NOS1AP: variants seen among roughly 807,000 people sequenced by gnomAD.
NOS1AP encodes the protein carboxyl-terminal PDZ ligand of neuronal nitric oxide synthase protein.
NOS1AP carries 21 observed loss-of-function variants against 56.2 expected under a neutral mutation model. The observed-to-expected ratio is 0.37, with a 90% CI of 0.26 to 0.54. The LOEUF (loss-of-function observed/expected upper bound fraction) is 0.54, where lower values mean the gene tolerates loss of function less well. NOS1AP is among the 20% of genes least tolerant of loss of function. The probability of loss-of-function intolerance (pLI) is 0.84; values close to 1 mark genes in which losing one functional copy is unlikely to be tolerated. For synonymous variants in NOS1AP, 270 were observed against 274.6 expected (o/e 0.98, Z 0.17); for missense variants, 522 against 657.8 (o/e 0.79, Z 2.26).
At chr1:162,203,412 C>T (rs1358481933) in intron 2 of NOS1AP, among the ~76,000 whole-genome samples, 2 of 152,178 alleles carry the variant, frequency 1.3e-5, no homozygotes, top group African/African-American at 4.8e-5. Flanking sequence ...GATTAGGAAG[C>T]AGGGAACAGC....
At chr1:162,205,936 G>A (rs1652148147) in intron 2 of NOS1AP, among the ~76,000 whole-genome samples, 1 of 152,128 alleles carries the variant, frequency 6.6e-6, no homozygotes, top group African/African-American at 2.4e-5. Context: ...ACTCTTTGAT[G>A]GTGTAAGGAG....
rs1654384653 is a variant in NOS1AP at position 162,265,276 on chromosome 1, G to A, written c.178-22068G>A. Among the ~76,000 whole-genome samples, 5 of 147,804 alleles carry A rather than the reference G, an allele frequency of 3.4e-5. No homozygotes were observed. In the South Asian group the frequency reaches 1.2e-3, roughly 35 times the overall value. On this transcript the variant is annotated intron_variant, in intron 2 of 9. Transcript: ENST00000361897. ...AAGTTTTAGGGTACATGTGCACAATGTGCAGGTTAGTTACATATATATACA... is the reference window on the plus strand; with the variant it reads ...AAGTTTTAGGGTACATGTGCACAATATGCAGGTTAGTTACATATATATACA...
At chr1:162,287,488 G>A (rs766794135) in intron 3 of NOS1AP, 52 bp downstream of exon 3, 1 of 1,192,684 alleles carries the variant, frequency 8.4e-7, no homozygotes, top group Admixed American at 1.7e-5. Flanking sequence ...AGGGGAGGTA[G>A]GCATGGGGTA....
At chr1:162,251,288 C>T (rs1301983596) in intron 2 of NOS1AP, among the ~76,000 whole-genome samples, 1 of 152,128 alleles carries the variant, frequency 6.6e-6, no homozygotes, top group South Asian at 2.1e-4. Flanking sequence ...GTCCTGCTGT[C>T]TCTGTCACAT....
chr1:162,355,171 C>T lies in NOS1AP; in HGVS notation c.596-16C>T. The T allele has an allele frequency of 6.2e-7, 1 of 1,613,980 alleles. No homozygotes were observed. ...TGTTTTCATTCTCTTCCCTCCCTCCCCTGTTGTTCCTGCAGGCCGCCAGCT... is the reference window on the plus strand; with the variant it reads ...TGTTTTCATTCTCTTCCCTCCCTCCTCTGTTGTTCCTGCAGGCCGCCAGCT... On this transcript the variant is annotated splice_polypyrimidine_tract_variant and intron_variant, in intron 6 of 9. Coordinates refer to ENST00000361897, the MANE Select transcript of NOS1AP (RefSeq NM_014697.3).
At chr1:162,195,724 TCAC>T (rs1166724157) in intron 2 of NOS1AP, among the ~76,000 whole-genome samples, 1 of 152,228 alleles carries the variant, frequency 6.6e-6, no homozygotes, top group East Asian at 1.9e-4. Flanking sequence ...ATCCTTTTTT[TCAC>T]TTCTTGTGTT....
chr1:162,070,760 A>T (rs1691643271), intron 1 of NOS1AP, among the ~76,000 whole-genome samples: 1 of 151,010 alleles, frequency 6.6e-6, no homozygotes, highest in African/African-American at 2.4e-5. Flanking sequence ...TTTTTTTTTT[A>T]AACTCCAGGT....
rs372623143 is a variant in NOS1AP, at chr1:162,092,034, C to A, written c.105+21752C>A. On this transcript the variant is annotated intron_variant, in intron 1 of 9. Transcript: ENST00000361897. ...TCTGTTATTTTGCAGATGAGGGGGACTGAAGTACAAAGAGATGAAAGTGAC... is the reference window on the plus strand; with the variant it reads ...TCTGTTATTTTGCAGATGAGGGGGAATGAAGTACAAAGAGATGAAAGTGAC... Among the ~76,000 whole-genome samples, 19 of 152,194 alleles carry A rather than the reference C, an allele frequency of 1.2e-4. No individual in the cohort carries two copies. The South Asian group carries it at 1.5e-3, about 12-fold the overall frequency.
At chr1:162,332,783 C>T (rs1656814448) in intron 4 of NOS1AP, among the ~76,000 whole-genome samples, 1 of 152,152 alleles carries the variant, frequency 6.6e-6, no homozygotes, top group African/African-American at 2.4e-5. Context: ...GTGTCGGTTC[C>T]ATGTCCTACC....
rs1335648924 is a variant in NOS1AP at position 162,188,063 on chromosome 1, GC to G, written c.177+33590del. On this transcript the variant is annotated intron_variant, in intron 2 of 9. Coordinates refer to ENST00000361897, the MANE Select transcript of NOS1AP (RefSeq NM_014697.3). The surrounding 1 kb of genome is among the most constrained non-coding windows in gnomAD (Gnocchi z 4.0). Reference sequence around the variant, plus strand: ...TTCCTAGCAAGGAAAACTAGCAGCAGCCCAAAGCCAAAACCAGTTTAATTAC... The same window carrying G: ...TTCCTAGCAAGGAAAACTAGCAGCAGCCAAAGCCAAAACCAGTTTAATTAC... Among the ~76,000 whole-genome samples the G allele has an allele frequency of 6.6e-6, 1 of 152,192 alleles. No homozygotes were observed. The highest frequency in any genetic ancestry group is 6.5e-5 in the Admixed American group (1 of 15,280).
chr1:162,316,924 G>T (rs1656247857), intron 4 of NOS1AP: 1 of 166,408 alleles, frequency 6.0e-6, no homozygotes, highest in South Asian at 1.9e-4. Flanking sequence ...CAGGTCACTG[G>T]GGATATGATG....
intron 2 of NOS1AP, among the ~76,000 whole-genome samples, chr1:162,232,541 TGTGTGTGTGTGTCTAA>T (rs1269313874): frequency 6.6e-6 from 1 of 151,542 alleles, no homozygotes; most frequent in Non-Finnish European, 1.5e-5. Context: ...AGAGTGTGTG[TGTGTGTGTGTGTCTAA>T]GTGTGTGTGT....
At position 162,357,118 on chromosome 1, in the gene NOS1AP, A is replaced by T; in HGVS notation, c.921A>T (p.Thr307=). The T allele has an allele frequency of 6.2e-7, 1 of 1,608,332 alleles. No individual in the cohort carries two copies. ...TCCTCCAGCAGCAGCAGCAGCAGAC[A>T]CAAGTGGCTGTGGCCCAGGTTCTCC... ...QQLLQQQQQQ[T]QVAVAQVHLL... The change falls in exon 8 of 10, where the codon ACA becomes ACT. Residue 307 remains threonine, a synonymous_variant. Transcript: ENST00000361897.
chr1:162,343,052 C>T (rs567769511), intron 5 of NOS1AP, among the ~76,000 whole-genome samples: 111 of 152,284 alleles, frequency 7.3e-4, no homozygotes, highest in African/African-American at 2.6e-3. Context: ...CCTTTGAGGC[C>T]ATGCCCTGGA....
chr1:162,323,511 G>C (rs948693104), intron 4 of NOS1AP, among the ~76,000 whole-genome samples: 1 of 152,206 alleles, frequency 6.6e-6, no homozygotes. Context: ...GTAAAATGGA[G>C]ATAATAACTG....
intron 2 of NOS1AP, among the ~76,000 whole-genome samples, chr1:162,256,607 C>T (rs1055734386): frequency 6.6e-6 from 1 of 152,196 alleles, no homozygotes; most frequent in Non-Finnish European, 1.5e-5. Context: ...GTCTCTTAGG[C>T]ACACACACAT....
At chr1:162,099,981 C>A (rs951946025) in intron 1 of NOS1AP, among the ~76,000 whole-genome samples, 9 of 151,206 alleles carry the variant, frequency 6.0e-5, no homozygotes, top group African/African-American at 2.2e-4. Flanking sequence ...TTTATGGCTG[C>A]ATAGTATTCC....
At chr1:162,282,843 C>A (rs1423693360) in intron 2 of NOS1AP, among the ~76,000 whole-genome samples, 8 of 152,186 alleles carry the variant, frequency 5.3e-5, no homozygotes, top group Non-Finnish European at 7.3e-5. Context: ...CAAACTGAAT[C>A]CTCTCCCCTT....
chr1:162,189,370 T>G (rs2102153547), intron 2 of NOS1AP, among the ~76,000 whole-genome samples: 1 of 151,932 alleles, frequency 6.6e-6, no homozygotes, highest in South Asian at 2.1e-4. Context: ...TAGAAAAAAC[T>G]GGTATTTTTT....
Sources: allele counts gnomAD v4.1 joint callset (sites outside exome capture counted in the v4.1 genomes callset), GRCh38; gene constraint gnomAD v4.1.1; non-coding constraint Gnocchi (gnomAD v3.1); transcripts MANE v1.5; gene names NCBI Gene and HGNC (gene_info 2026-07-23, HGNC 2026-07-21).